The following LIMD2 variants were observed in gnomAD, a reference collection of about 807,000 sequenced individuals.
LIMD2 encodes the protein LIM domain containing 2.
Under a neutral mutation model 16.0 loss-of-function variants are expected in LIMD2, and 11 were observed. The ratio of observed to expected loss-of-function variants is 0.69; its 90% CI spans 0.43 to 1.14. LIMD2 has a LOEUF of 1.14. LIMD2 is among the 50% of genes most tolerant of loss of function. The pLI is 0.00. For missense variants in LIMD2, 168 were observed against 165.8 expected (o/e 1.01, Z -0.07); for synonymous variants, 60 against 67.1 (o/e 0.89, Z 0.52).
chr17:63,699,092 G>A, intron 2 of LIMD2, 23 bp from the exon 3 acceptor site: 2 of 1,594,458 alleles, frequency 1.3e-6, no homozygotes, highest in Non-Finnish European at 1.7e-6. Context: ...GGCGGTCAGG[G>A]CAGGGGCAGC....
rs1420678193 is a variant in LIMD2, at chr17:63,700,021, G to A, written c.-51+11C>T. 1 of 983,888 alleles carries A rather than the reference G, an allele frequency of 1.0e-6. No homozygotes were observed. The highest frequency in any genetic ancestry group is 1.2e-6 in the Non-Finnish European group (1 of 829,252). The allele number at this position is 983,888 out of a possible 1,614,324, so 60.9% of individuals were successfully genotyped here. The stretch of plus-strand genomic sequence containing the variant: ...GGAGCCGGACGCGGCCCCTCCCCCC[G>A]CGGCTCTCACCAGGCCCGGCCTGGG... On this transcript the variant is annotated intron_variant, in intron 1 of 4. Coordinates refer to ENST00000259006, the MANE Select transcript of LIMD2 (RefSeq NM_030576.4). This position sits in a 1 kb window ranked among gnomAD's most constrained non-coding sequence, Gnocchi z 7.1.
At chr17:63,698,962 G>C (rs373103590) in intron 3 of LIMD2, 24 bp from the exon 4 acceptor site, 1 of 1,612,396 alleles carries the variant, frequency 6.2e-7, no homozygotes, top group South Asian at 1.1e-5. Context: ...TCAGCCAGGT[G>C]CTGCCCCAGT....
In LIMD2 at chr17:63,699,275, G is replaced by A. The variant is rs894863847; in HGVS notation, c.24C>T (p.Ala8=). 1 of 1,611,036 alleles carries A rather than the reference G, an allele frequency of 6.2e-7. No individual in the cohort carries two copies. The highest frequency in any genetic ancestry group is 8.5e-7 in the Non-Finnish European group (1 of 1,179,144). Residue 8 remains alanine (A), a synonymous_variant, in exon 2 of 5, where the codon GCC becomes GCT. Transcript: ENST00000259006. ...CACTTACATGAGAGGGGGTGGCCTG[G>A]GCGGCTCCTGCAGCCTGGAACATGG... The part of the protein sequence containing the change: MFQAAGA[A]QATPSHDAKG...
Position 63,699,815 on chromosome 17 carries a change from G to A in LIMD2, c.-51+217C>T, listed in dbSNP as rs966729181. On this transcript the variant is annotated intron_variant, in intron 1 of 4. Transcript: ENST00000259006. ...CTCGGCCCCCGACCTGGCCCCGCGA[G>A]GACCGGACCCCAGACCCCGACGCCG... is the stretch of plus-strand genomic sequence containing the variant. 1.6e-5 allele frequency: 15 copies of A among 909,104 alleles called. No homozygotes were observed. In the African/African-American group the frequency reaches 2.3e-4, roughly 14 times the overall value. The allele number at this position is 909,104 out of a possible 1,614,324, so 56.3% of individuals were successfully genotyped here.
rs575543136 is a variant in LIMD2, at chr17:63,696,845, G to C, written c.*1707C>G. The C allele has an allele frequency of 1.2e-5, 1 of 81,082 alleles. No individual in the cohort carries two copies. Among genetic ancestry groups the C allele is most frequent in the South Asian group, 3.0e-4 (1 of 3,368 alleles). The allele number at this position is 81,082 out of a possible 1,614,324, so 5.0% of individuals were successfully genotyped here. A position where few individuals can be genotyped will look rare whatever the true frequency, so the allele number is the denominator to read the frequency against. ...CTTCACACTTGGGAGGATCCAGGCC[G>C]GGGCACCATCTCTGCTGAGTATTCG... On this transcript the variant is annotated 3_prime_UTR_variant, in exon 5 of 5. Transcript: ENST00000259006.
rs527668221 is a variant in LIMD2, at chr17:63,698,265, C to T, written c.*287G>A. 8.6e-6 allele frequency: 4 copies of T among 465,008 alleles called. No individual in the cohort carries two copies. Among genetic ancestry groups the T allele is most frequent in the African/African-American group, 3.9e-5 (2 of 50,734 alleles). The allele number at this position is 465,008 out of a possible 1,614,324, so 28.8% of individuals were successfully genotyped here. A position where few individuals can be genotyped will look rare whatever the true frequency, so the allele number is the denominator to read the frequency against. On this transcript the variant is annotated 3_prime_UTR_variant, in exon 5 of 5. Transcript: ENST00000259006. ...AAGGCACCTAGATAGGGGAGCTGGG[C>T]TTGGGGGCCTCCCAGGGGGTCCTGG... is the stretch of plus-strand genomic sequence containing the variant.
At chr17:63,699,228 G>C (rs1379944988) in intron 2 of LIMD2, 29 bp downstream of exon 2, 1 of 1,610,374 alleles carries the variant, frequency 6.2e-7, no homozygotes, top group South Asian at 1.1e-5. Flanking sequence ...TCCTGTCCGG[G>C]GGGCCCTCCC....
chr17:63,699,786 G>A (rs1276434083), intron 1 of LIMD2: 3 of 215,556 alleles, frequency 1.4e-5, no homozygotes, highest in Admixed American at 2.1e-4. Context: ...CGCCCGCCCC[G>A]CCCCTCGGCC....
intron 1 of LIMD2, 87 bp from the exon 2 acceptor site, chr17:63,699,435 AT>A: frequency 7.6e-7 from 1 of 1,319,574 alleles, no homozygotes; most frequent in South Asian, 1.5e-5. Context: ...GGCTGGGGGG[AT>A]TGCGGTTGGG....
In LIMD2 at chr17:63,695,888, C is replaced by T. The variant is rs1299893189; in HGVS notation, c.*2664G>A. 1 of 152,574 alleles carries T rather than the reference C, an allele frequency of 6.6e-6. No homozygotes were observed. The highest frequency in any genetic ancestry group is 1.5e-5 in the Non-Finnish European group (1 of 68,040). 9.5% of individuals were successfully genotyped at this position (152,574 alleles called of 1,614,324 possible). ...ACTGTGGACATGCTGGCTCAGCATC[C>T]TCAGGACCAAGTTGTTGCTTAATTT... On this transcript the variant is annotated 3_prime_UTR_variant, in exon 5 of 5. Transcript: ENST00000259006. This position sits in a 1 kb window ranked among gnomAD's most constrained non-coding sequence, Gnocchi z 4.1.
chr17:63,698,656 G>T lies in LIMD2; in HGVS notation c.280C>A (p.Gln94Lys). 1 of 1,613,830 alleles carries T rather than the reference G, an allele frequency of 6.2e-7. No homozygotes were observed. The highest frequency in any genetic ancestry group is 8.5e-7 in the Non-Finnish European group (1 of 1,180,030). The stretch of plus-strand genomic sequence containing the variant: ...TAGTTGCCTTTGCTCTTAAACAGCT[G>T]CTGGAAGTGGGGTTTGCAGTAGAAC... ...GEFYCKPHFQ[Q>K]LFKSKGNYDE... Residue 94 changes from glutamine (Q) to lysine (K), a missense_variant, in exon 5 of 5, where the codon CAG becomes AAG. Coordinates refer to ENST00000259006, the MANE Select transcript of LIMD2 (RefSeq NM_030576.4).
In LIMD2 at chr17:63,699,249, G is replaced by C. The variant is rs201853262; in HGVS notation, c.42+8C>G. On this transcript the variant is annotated splice_region_variant and intron_variant, in intron 2 of 4. Coordinates refer to ENST00000259006, the MANE Select transcript of LIMD2 (RefSeq NM_030576.4). The stretch of plus-strand genomic sequence containing the variant: ...CCGGGGGGCCCTCCCACCCAGCCGG[G>C]CACTTACATGAGAGGGGGTGGCCTG... 6.2e-7 allele frequency: 1 copy of C among 1,611,602 alleles called. No individual in the cohort carries two copies. The highest frequency in any genetic ancestry group is 2.2e-5 in the East Asian group (1 of 44,818).
At chr17:63,699,811 G>C (rs1487160013) in intron 1 of LIMD2, 9 of 299,132 alleles carry the variant, frequency 3.0e-5, no homozygotes, top group Non-Finnish European at 4.2e-5. Flanking sequence ...ACCTGGCCCC[G>C]CGAGGACCGG....
upstream of LIMD2, chr17:63,700,148 C>T: frequency 1.0e-6 from 1 of 984,076 alleles, no homozygotes; most frequent in Non-Finnish European, 1.2e-6. This position sits in a 1 kb window ranked among gnomAD's most constrained non-coding sequence, Gnocchi z 7.1. Flanking sequence ...CCGCCGCCAC[C>T]GCCTTATCGC....
Position 63,696,551 on chromosome 17 carries a change from A to C in LIMD2, c.*2001T>G, listed in dbSNP as rs1007662743. 1 of 152,248 alleles carries C rather than the reference A, an allele frequency of 6.6e-6. No homozygotes were observed. Among genetic ancestry groups the C allele is most frequent in the African/African-American group, 2.4e-5 (1 of 41,400 alleles). The allele number at this position is 152,248 out of a possible 1,614,324, so 9.4% of individuals were successfully genotyped here. A position where few individuals can be genotyped will look rare whatever the true frequency, so the allele number is the denominator to read the frequency against. On this transcript the variant is annotated 3_prime_UTR_variant, in exon 5 of 5. Coordinates refer to ENST00000259006, the MANE Select transcript of LIMD2 (RefSeq NM_030576.4). Reference sequence around the variant, plus strand: ...GTGGTCCCAACAGGGCTGATTTACCAGGGTGGCACTGCTGGCCCTCACAAC... The same window carrying C: ...GTGGTCCCAACAGGGCTGATTTACCCGGGTGGCACTGCTGGCCCTCACAAC...
Position 63,700,015 on chromosome 17 carries a change from C to T in LIMD2, c.-51+17G>A, listed in dbSNP as rs1318079506. On this transcript the variant is annotated intron_variant, in intron 1 of 4. Coordinates refer to ENST00000259006, the MANE Select transcript of LIMD2 (RefSeq NM_030576.4). The surrounding 1 kb of genome is among the most constrained non-coding windows in gnomAD (Gnocchi z 7.1). ...GGTTCCGGAGCCGGACGCGGCCCCT[C>T]CCCCCGCGGCTCTCACCAGGCCCGG... is the stretch of plus-strand genomic sequence containing the variant. 2 of 983,984 alleles carry T rather than the reference C, an allele frequency of 2.0e-6. No individual in the cohort carries two copies. Among genetic ancestry groups the T allele is most frequent in the African/African-American group, 1.8e-5 (1 of 57,064 alleles). 61.0% of individuals were successfully genotyped at this position (983,984 alleles called of 1,614,324 possible).
intron 1 of LIMD2, 120 bp downstream of exon 1, chr17:63,699,912 G>T (rs1441385491): frequency 1.8e-5 from 18 of 984,080 alleles, no homozygotes; most frequent in Non-Finnish European, 2.2e-5. Context: ...GAGCCTGTGC[G>T]CCCCGGGCGA....
At chr17:63,700,736 G>C (rs939539331), upstream of LIMD2, 3 of 151,584 alleles carry the variant, frequency 2.0e-5, no homozygotes, top group African/African-American at 7.3e-5. The surrounding 1 kb of genome is among the most constrained non-coding windows in gnomAD (Gnocchi z 7.1). Context: ...GGCCCACGAG[G>C]CTGGCGGCGG....
At position 63,699,323 on chromosome 17, in the gene LIMD2, G is replaced by A. The variant is rs2035747955; in HGVS notation, c.-25C>T. On this transcript the variant is annotated 5_prime_UTR_variant, in exon 2 of 5. Transcript: ENST00000259006. ...TGGCTCGTTGGAGGTGGAAGCCTCG[G>A]GTGGAGAAGCGGCACCCGCTGGGTT... 1 of 1,596,966 alleles carries A rather than the reference G, an allele frequency of 6.3e-7. No individual in the cohort carries two copies. The highest frequency in any genetic ancestry group is 8.5e-7 in the Non-Finnish European group (1 of 1,171,338).
Sources: gnomAD v4.1 joint callset for allele counts on GRCh38, gnomAD v4.1.1 for gene constraint, Gnocchi (gnomAD v3.1) non-coding constraint, MANE v1.5 for transcripts, NCBI Gene and HGNC (gene_info 2026-07-23, HGNC 2026-07-21) for gene names.